ITFG1: variants seen among roughly 807,000 people sequenced by gnomAD.
ITFG1 encodes the protein T-cell immunomodulatory protein.
In ITFG1, 34 loss-of-function variants were observed where a neutral mutation model predicts 81.8. That is an observed-to-expected ratio of 0.42 (90% CI 0.32 to 0.55). The LOEUF is 0.55. Ranked by LOEUF, ITFG1 falls within the 20% of genes least tolerant of loss-of-function variation. ITFG1 has a pLI of 0.17. For missense variants in ITFG1, 672 were observed against 755.4 expected (o/e 0.89, Z 1.29); for synonymous variants, 285 against 270.6 (o/e 1.05, Z -0.52).
Position 47,161,828 on chromosome 16 carries a change from A to T in ITFG1, c.1583T>A (p.Ile528Lys). 1 of 1,578,334 alleles carries T rather than the reference A, an allele frequency of 6.3e-7. No homozygotes were observed. Among genetic ancestry groups the T allele is most frequent in the Non-Finnish European group, 8.7e-7 (1 of 1,147,622 alleles). Residue 528 changes from isoleucine to lysine, a missense_variant, in exon 16 of 18, where the codon ATA becomes AAA. Ile to Lys is a moderately radical substitution (Grantham distance 102). Around this residue, in one of 3 missense-constraint regions of ITFG1, gnomAD observed 560 missense variants for 625.7 expected, o/e 0.90. Transcript: ENST00000320640. ...GATTGCAGTCCACTCTTGTTTTCGTATAGACTGGAAGAAGAATTTAAGAAC... is the reference window on the plus strand; with the variant it reads ...GATTGCAGTCCACTCTTGTTTTCGTTTAGACTGGAAGAAGAATTTAAGAAC... ...GIPRPSGEKS[I>K]RKQEWTAIIP...
intron 10 of ITFG1, among the ~76,000 whole-genome samples, chr16:47,306,775 A>G (rs1164247151): frequency 1.3e-5 from 2 of 152,094 alleles, no homozygotes; most frequent in Admixed American, 1.3e-4. Context: ...ATACTAACAA[A>G]AACACAGACA....
intron 13 of ITFG1, among the ~76,000 whole-genome samples, chr16:47,226,777 G>A (rs572214419): frequency 1.5e-3 from 231 of 151,954 alleles, no homozygotes; most frequent in Non-Finnish European, 2.0e-3. Context: ...GGAGATAAGG[G>A]AATATGCTAT....
chr16:47,316,602 C>T (rs1171727592), intron 8 of ITFG1, among the ~76,000 whole-genome samples: 4 of 152,200 alleles, frequency 2.6e-5, no homozygotes, highest in Non-Finnish European at 5.9e-5. Context: ...TTTGTCCCTG[C>T]AGCACAGGAT....
At chr16:47,161,913 C>G (rs1964812657) in intron 15 of ITFG1, 81 bp from the exon 16 acceptor site, 3 of 885,360 alleles carry the variant, frequency 3.4e-6, no homozygotes, top group Non-Finnish European at 3.7e-6. Flanking sequence ...AATGAAAAAT[C>G]TAGCTACTTT....
chr16:47,259,927 T>A (rs1018775431), intron 11 of ITFG1, among the ~76,000 whole-genome samples: 3 of 152,020 alleles, frequency 2.0e-5, no homozygotes, highest in Admixed American at 6.6e-5. Flanking sequence ...CTGTTATTTG[T>A]TGGCTGTAAA....
At chr16:47,346,786 A>T (rs1461099513) in intron 8 of ITFG1, among the ~76,000 whole-genome samples, 7 of 152,240 alleles carry the variant, frequency 4.6e-5, no homozygotes, top group Non-Finnish European at 1.0e-4. Flanking sequence ...CATATCAAAG[A>T]AAAGCCCAGG....
At chr16:47,329,951 A>G (rs2151573265) in intron 8 of ITFG1, among the ~76,000 whole-genome samples, 1 of 152,272 alleles carries the variant, frequency 6.6e-6, no homozygotes, top group East Asian at 1.9e-4. Context: ...ACACTACAAT[A>G]TCAAAGACAG....
chr16:47,168,568 T>TC (rs1252714322), intron 14 of ITFG1, among the ~76,000 whole-genome samples: 5 of 149,782 alleles, frequency 3.3e-5, no homozygotes, highest in African/African-American at 1.2e-4. Context: ...TTTTTTTTTT[T>TC]CTAGAGACAA....
intron 5 of ITFG1, among the ~76,000 whole-genome samples, chr16:47,443,739 G>A (rs928256560): frequency 6.6e-6 from 1 of 152,044 alleles, no homozygotes. Context: ...CACATACCGG[G>A]GACTGCTTTG....
At chr16:47,241,287 T>A (rs879386729) in intron 12 of ITFG1, among the ~76,000 whole-genome samples, 11 of 152,216 alleles carry the variant, frequency 7.2e-5, no homozygotes, top group Non-Finnish European at 1.0e-4. Context: ...CAGTAATTCA[T>A]TTCCAGCTAT....
intron 6 of ITFG1, among the ~76,000 whole-genome samples, chr16:47,391,582 T>C (rs907748315): frequency 2.6e-5 from 4 of 152,218 alleles, no homozygotes; most frequent in African/African-American, 9.6e-5. Flanking sequence ...TTGCAGCATA[T>C]ATAGTGTTTA....
At position 47,193,679 on chromosome 16, in the gene ITFG1, G is replaced by A. The variant is rs539421875; in HGVS notation, c.1453+25189C>T. ...ACTGCACTCTAGCCTTGGTGACAGA[G>A]TGAGACCTTGTCTCAAATAAATAAA... is the stretch of plus-strand genomic sequence containing the variant. On this transcript the variant is annotated intron_variant, in intron 14 of 17. Coordinates refer to ENST00000320640, the MANE Select transcript of ITFG1 (RefSeq NM_030790.5). Among the ~76,000 whole-genome samples, 22 of 152,284 alleles carry A rather than the reference G, an allele frequency of 1.4e-4. No individual in the cohort carries two copies. In the South Asian group the frequency reaches 4.6e-3, roughly 32 times the overall value.
intron 5 of ITFG1, among the ~76,000 whole-genome samples, chr16:47,444,615 T>G (rs1969299322): frequency 1.3e-5 from 2 of 152,188 alleles, no homozygotes; most frequent in Admixed American, 6.5e-5. Context: ...TAAAATTTCA[T>G]AAGATAAAAT....
At chr16:47,334,158 T>C (rs1425266767) in intron 8 of ITFG1, among the ~76,000 whole-genome samples, 1 of 152,212 alleles carries the variant, frequency 6.6e-6, no homozygotes, top group Non-Finnish European at 1.5e-5. Context: ...CATGAATGAA[T>C]ATATTTTAGG....
At chr16:47,422,081 A>G (rs1010086853) in intron 6 of ITFG1, among the ~76,000 whole-genome samples, 1 of 152,144 alleles carries the variant, frequency 6.6e-6, no homozygotes, top group African/African-American at 2.4e-5. Context: ...TCTATCATTG[A>G]TGGACATCTG....
At chr16:47,275,763 C>A (rs1045092488) in intron 10 of ITFG1, among the ~76,000 whole-genome samples, 2 of 152,034 alleles carry the variant, frequency 1.3e-5, no homozygotes, top group Non-Finnish European at 2.9e-5. Context: ...CATTTTTAGA[C>A]TGACTTTAAA....
intron 13 of ITFG1, among the ~76,000 whole-genome samples, chr16:47,222,341 T>C (rs1316618725): frequency 2.0e-5 from 3 of 152,024 alleles, no homozygotes; most frequent in African/African-American, 4.8e-5. Context: ...CATTTCATTA[T>C]GTACCCAGTA....
intron 12 of ITFG1, among the ~76,000 whole-genome samples, chr16:47,244,594 TGTGTGTGTG>T (rs1965976020): frequency 0.28 from 304 of 1,078 alleles, 1 homozygote; most frequent in Middle Eastern, 0.5. Context: ...CCATCTTTTG[TGTGTGTGTG>T]TGTGTGTGTG....
At chr16:47,256,658 T>A (rs1596840249) in intron 12 of ITFG1, among the ~76,000 whole-genome samples, 1 of 152,238 alleles carries the variant, frequency 6.6e-6, no homozygotes, top group Non-Finnish European at 1.5e-5. Context: ...ATTAGACTCA[T>A]GTATCAGTAT....
Sources: allele counts gnomAD v4.1 joint callset (sites outside exome capture counted in the v4.1 genomes callset), GRCh38; gene constraint gnomAD v4.1.1; regional missense constraint gnomAD v4.1.1; transcripts MANE v1.5; gene names NCBI Gene and HGNC (gene_info 2026-07-23, HGNC 2026-07-21).